DGKG: variants seen among roughly 807,000 people sequenced by gnomAD.
DGKG encodes the protein DAG kinase gamma.
Under a neutral mutation model 105.3 loss-of-function variants are expected in DGKG, and 78 were observed. The ratio of observed to expected loss-of-function variants is 0.74; its 90% CI spans 0.62 to 0.89. The LOEUF (loss-of-function observed/expected upper bound fraction) is 0.89, where lower values mean the gene tolerates loss of function less well. DGKG is among the 40% of genes least tolerant of loss of function. The pLI is 0.00. For missense variants in DGKG, 958 were observed against 1,020.1 expected (o/e 0.94, Z 0.83); for synonymous variants, 346 against 367.1 (o/e 0.94, Z 0.66).
intron 1 of DGKG, among the ~76,000 whole-genome samples, chr3:186,341,347 A>T (rs1474380794): frequency 6.6e-6 from 1 of 152,198 alleles, no homozygotes; most frequent in African/African-American, 2.4e-5. Context: ...GAGTAAGAGG[A>T]TCAAAGAGCT....
At chr3:186,239,163 G>GT (rs749359060) in intron 20 of DGKG, among the ~76,000 whole-genome samples, 5 of 152,146 alleles carry the variant, frequency 3.3e-5, no homozygotes, top group Non-Finnish European at 7.3e-5. Flanking sequence ...CGGTTTCCTG[G>GT]TAAGTGTTCC....
chr3:186,191,534 T>A (rs947992664), intron 21 of DGKG, among the ~76,000 whole-genome samples: 3 of 152,264 alleles, frequency 2.0e-5, no homozygotes, highest in Non-Finnish European at 4.4e-5. Context: ...TCCATTGATT[T>A]ACCTTGGGTT....
intron 7 of DGKG, among the ~76,000 whole-genome samples, chr3:186,282,165 G>C (rs1231339966): frequency 6.6e-6 from 1 of 152,206 alleles, no homozygotes; most frequent in Admixed American, 6.5e-5. Context: ...TGCAGGGAAG[G>C]AAGGAGTTGA....
At chr3:186,209,882 G>A (rs540673104) in intron 21 of DGKG, among the ~76,000 whole-genome samples, 3 of 152,196 alleles carry the variant, frequency 2.0e-5, no homozygotes, top group South Asian at 2.1e-4. Flanking sequence ...CACATGACAC[G>A]CTCAGCCCCA....
chr3:186,247,753 G>T (rs1242604236), intron 19 of DGKG, among the ~76,000 whole-genome samples: 1 of 152,042 alleles, frequency 6.6e-6, no homozygotes, highest in Non-Finnish European at 1.5e-5. Flanking sequence ...TCATTCTTCT[G>T]CAACATAATA....
At chr3:186,265,217 G>A in intron 14 of DGKG, 30 bp downstream of exon 14, 1 of 1,611,228 alleles carries the variant, frequency 6.2e-7, no homozygotes, top group Non-Finnish European at 8.5e-7. Context: ...AACTTAGAAG[G>A]TGCAATCGGA....
rs1423834527 is a variant in DGKG at position 186,147,657 on chromosome 3, T to C, written c.*2433A>G. 4 of 985,310 alleles carry C rather than the reference T, an allele frequency of 4.1e-6. No individual in the cohort carries two copies. Among genetic ancestry groups the C allele is most frequent in the Non-Finnish European group, 4.8e-6 (4 of 829,910 alleles). The allele number at this position is 985,310 out of a possible 1,614,324, so 61.0% of individuals were successfully genotyped here. On this transcript the variant is annotated 3_prime_UTR_variant, in exon 25 of 25. Coordinates refer to ENST00000265022, the MANE Select transcript of DGKG (RefSeq NM_001346.3). ...GGTGCAGCAGGTAAGGGCCATTTTC[T>C]GCACTGCCCCTTCATGAGACCTGTG...
intron 1 of DGKG, among the ~76,000 whole-genome samples, chr3:186,355,851 A>G (rs748405061): frequency 6.6e-6 from 1 of 152,208 alleles, no homozygotes; most frequent in Non-Finnish European, 1.5e-5. Context: ...TCTTAATTTG[A>G]GGGACTGATG....
At chr3:186,342,167 A>T (rs1222343142) in intron 1 of DGKG, among the ~76,000 whole-genome samples, 1 of 149,526 alleles carries the variant, frequency 6.7e-6, no homozygotes, top group African/African-American at 2.5e-5. Context: ...AAAGTATAAT[A>T]AAAAAAAATA....
chr3:186,303,925 CCTT>C (rs1724097677), intron 3 of DGKG, among the ~76,000 whole-genome samples: 1 of 152,184 alleles, frequency 6.6e-6, no homozygotes, highest in Admixed American at 6.5e-5. Flanking sequence ...GAAATTAAAC[CCTT>C]CTTATTTCCC....
chr3:186,228,955 A>C (rs1399062222), intron 20 of DGKG, among the ~76,000 whole-genome samples: 1 of 152,174 alleles, frequency 6.6e-6, no homozygotes, highest in Non-Finnish European at 1.5e-5. Context: ...ATTTGGAAAT[A>C]GGGTCTTCGC....
intron 9 of DGKG, among the ~76,000 whole-genome samples, chr3:186,276,840 A>AT (rs1262567866): frequency 2.0e-5 from 3 of 152,196 alleles, no homozygotes; most frequent in African/African-American, 4.8e-5. Context: ...ATGGTCATGG[A>AT]TGTAGTGTCC....
chr3:186,221,909 C>T (rs1719601555), intron 20 of DGKG, among the ~76,000 whole-genome samples: 1 of 152,206 alleles, frequency 6.6e-6, no homozygotes, highest in South Asian at 2.1e-4. Context: ...CTCTGCCGGC[C>T]CCCAGCTGTT....
chr3:186,361,842 C>T lies in DGKG; in HGVS notation c.-249+104G>A, dbSNP rs1287600655. ...CCGTGGCTTTGGCTGCAGCCCCTTC[C>T]CTGGCCGCGGGACCGGCTCCCGCTT... On this transcript the variant is annotated intron_variant, in intron 1 of 24. Coordinates refer to ENST00000265022, the MANE Select transcript of DGKG (RefSeq NM_001346.3). This position sits in a 1 kb window ranked among gnomAD's most constrained non-coding sequence, Gnocchi z 6.8. 2 of 152,410 alleles carry T rather than the reference C, an allele frequency of 1.3e-5. No homozygotes were observed. Among genetic ancestry groups the T allele is most frequent in the African/African-American group, 4.8e-5 (2 of 41,450 alleles). 9.4% of individuals were successfully genotyped at this position (152,410 alleles called of 1,614,324 possible). A position where few individuals can be genotyped will look rare whatever the true frequency, so the allele number is the denominator to read the frequency against.
intron 19 of DGKG, among the ~76,000 whole-genome samples, chr3:186,244,288 C>T (rs1270664496): frequency 2.0e-5 from 3 of 152,036 alleles, no homozygotes; most frequent in Non-Finnish European, 4.4e-5. Context: ...AGGAGTCCAG[C>T]AGCCCACATC....
intron 3 of DGKG, among the ~76,000 whole-genome samples, chr3:186,302,292 G>A (rs1463137390): frequency 6.6e-6 from 1 of 151,724 alleles, no homozygotes; most frequent in East Asian, 1.9e-4. Context: ...TATTTGAATG[G>A]ATGATGTGTC....
intron 3 of DGKG, among the ~76,000 whole-genome samples, chr3:186,298,497 G>A (rs554001579): frequency 6.6e-6 from 1 of 152,292 alleles, no homozygotes; most frequent in South Asian, 2.1e-4. Context: ...GCAGGCTCCT[G>A]TAATAAGAAA....
chr3:186,217,492 AC>A (rs1341913431), intron 20 of DGKG, among the ~76,000 whole-genome samples: 3 of 152,164 alleles, frequency 2.0e-5, no homozygotes, highest in Admixed American at 1.3e-4. Flanking sequence ...CCATGGCTCA[AC>A]TCTATTTCTG....
rs577143341 is a variant in DGKG, at chr3:186,301,671, A to G, written c.145-3442T>C. Among the ~76,000 whole-genome samples the G allele has an allele frequency of 6.6e-5, 10 of 152,352 alleles. No individual in the cohort carries two copies. The South Asian group carries it at 2.1e-3, about 32-fold the overall frequency. ...GGTTTCTAATTGCCCATGGAACTGA[A>G]TTGAGATTAACTGAGGTACTACTGT... is the stretch of plus-strand genomic sequence containing the variant. On this transcript the variant is annotated intron_variant, in intron 3 of 24. Coordinates refer to ENST00000265022, the MANE Select transcript of DGKG (RefSeq NM_001346.3).
Sources: gnomAD v4.1 joint callset for allele counts (sites outside exome capture counted in the v4.1 genomes callset) on GRCh38, gnomAD v4.1.1 for gene constraint, Gnocchi (gnomAD v3.1) non-coding constraint, MANE v1.5 for transcripts, NCBI Gene and HGNC (gene_info 2026-07-23, HGNC 2026-07-21) for gene names.